Variants in GRM5 observed in about 807,000 individuals in gnomAD.
GRM5 encodes glutamate metabotropic receptor 5, also known as metabotropic glutamate receptor 5.
A neutral mutation model predicts 83.1 loss-of-function variants in GRM5; 19 were observed. The ratio of observed to expected loss-of-function variants is 0.23; its 90% CI spans 0.16 to 0.34. GRM5 has a LOEUF of 0.34. Ranked by LOEUF, GRM5 falls within the 10% of genes least tolerant of loss-of-function variation. The pLI is 1.00. For synonymous variants in GRM5, 675 were observed against 633.6 expected (o/e 1.07, Z -0.98); for missense variants, 1,160 against 1,588.3 (o/e 0.73, Z 4.58).
intron 8 of GRM5, among the ~76,000 whole-genome samples, chr11:88,545,571 G>C (rs1942370055): frequency 6.9e-6 from 1 of 145,840 alleles, no homozygotes; most frequent in South Asian, 2.1e-4. Flanking sequence ...TCTTCTCCTT[G>C]AGGTTGAATT....
At chr11:88,770,013 A>T (rs368745781) in intron 3 of GRM5, among the ~76,000 whole-genome samples, 2 of 152,192 alleles carry the variant, frequency 1.3e-5, no homozygotes, top group African/African-American at 4.8e-5. Flanking sequence ...AATCATGTTG[A>T]TAGTATACAC....
chr11:89,055,277 A>G (rs2070458149), intron 1 of GRM5, among the ~76,000 whole-genome samples: 1 of 152,308 alleles, frequency 6.6e-6, no homozygotes. Flanking sequence ...TCTGAGCCTC[A>G]TGCCTTTATT....
chr11:88,717,644 T>G (rs778360332), intron 3 of GRM5, among the ~76,000 whole-genome samples: 8 of 151,884 alleles, frequency 5.3e-5, no homozygotes, highest in Non-Finnish European at 7.4e-5. Flanking sequence ...GTTCTACAAC[T>G]ATGTAATTAT....
intron 3 of GRM5, among the ~76,000 whole-genome samples, chr11:88,710,446 G>A (rs986840678): frequency 6.6e-6 from 1 of 151,990 alleles, no homozygotes; most frequent in African/African-American, 2.4e-5. Flanking sequence ...AGCAGACCTG[G>A]GATTAAATCA....
At chr11:88,715,044 T>C (rs188018313) in intron 3 of GRM5, among the ~76,000 whole-genome samples, 2 of 152,126 alleles carry the variant, frequency 1.3e-5, no homozygotes, top group African/African-American at 4.8e-5. Context: ...TTAACATTTA[T>C]TGAACGACTG....
chr11:88,822,000 T>A (rs1943806608), intron 3 of GRM5, among the ~76,000 whole-genome samples: 1 of 149,556 alleles, frequency 6.7e-6, no homozygotes, highest in African/African-American at 2.6e-5. Context: ...GAAAATCATT[T>A]CAGTGGAAGT....
At chr11:88,797,755 G>GATT (rs1474217979) in intron 3 of GRM5, among the ~76,000 whole-genome samples, 7 of 151,266 alleles carry the variant, frequency 4.6e-5, no homozygotes, top group Admixed American at 4.6e-4. Flanking sequence ...ATGGGTTTTT[G>GATT]ATTATTTCTA....
intron 2 of GRM5, among the ~76,000 whole-genome samples, chr11:88,898,479 C>T (rs1945268267): frequency 6.6e-6 from 1 of 151,814 alleles, no homozygotes; most frequent in Non-Finnish European, 1.5e-5. Context: ...ATGAAAAATG[C>T]AAATAATACT....
intron 2 of GRM5, among the ~76,000 whole-genome samples, chr11:89,003,219 T>A (rs1940438171): frequency 6.6e-6 from 1 of 152,110 alleles, no homozygotes; most frequent in South Asian, 2.1e-4. Context: ...GGTCTCACTG[T>A]GGAGGAAAAT....
chr11:88,747,839 A>G (rs2135423697), intron 3 of GRM5, among the ~76,000 whole-genome samples: 1 of 152,308 alleles, frequency 6.6e-6, no homozygotes, highest in Middle Eastern at 3.4e-3. Flanking sequence ...ATTAAAATCA[A>G]TTATTCATTG....
At chr11:88,932,065 T>C (rs1463085264) in intron 2 of GRM5, among the ~76,000 whole-genome samples, 1 of 152,058 alleles carries the variant, frequency 6.6e-6, no homozygotes, top group Non-Finnish European at 1.5e-5. Context: ...TCAGCAAGGA[T>C]GTAGGGAAGG....
rs1415601741 is a variant in GRM5, at chr11:88,506,370, G to C, written c.*2222C>G. On this transcript the variant is annotated 3_prime_UTR_variant, in exon 10 of 10. Transcript: ENST00000305447. ...TTTATAAAACAAATTTTAAAATGTA[G>C]AGCATATCAAGAAAGGTTTTTAATA... The C allele has an allele frequency of 6.6e-6, 1 of 152,120 alleles. No individual in the cohort carries two copies. The highest frequency in any genetic ancestry group is 1.5e-5 in the Non-Finnish European group (1 of 68,012). 9.4% of individuals were successfully genotyped at this position (152,120 alleles called of 1,614,324 possible). A position where few individuals can be genotyped will look rare whatever the true frequency, so the allele number is the denominator to read the frequency against.
chr11:88,601,273 A>G (rs1425082528), intron 5 of GRM5, among the ~76,000 whole-genome samples: 2 of 152,170 alleles, frequency 1.3e-5, no homozygotes, highest in Admixed American at 6.5e-5. Flanking sequence ...ATCCGCATGC[A>G]CACAAAGTCG....
chr11:88,943,105 G>T lies in GRM5; in HGVS notation c.662-92950C>A, dbSNP rs1590984284. On this transcript the variant is annotated intron_variant, in intron 2 of 9. Transcript: ENST00000305447. ...CTGAGGCTTAGAGAGATTAACTGAT[G>T]AACTCTGCCTAACAGGGCTTCATAT... is the stretch of plus-strand genomic sequence containing the variant. 2.0e-5 allele frequency among the ~76,000 whole-genome samples: 3 copies of T among 152,166 alleles called. No homozygotes were observed. The East Asian group carries it at 5.8e-4, about 29-fold the overall frequency.
intron 8 of GRM5, among the ~76,000 whole-genome samples, chr11:88,552,093 T>G (rs1942523473): frequency 1.3e-5 from 2 of 151,340 alleles, no homozygotes; most frequent in South Asian, 4.2e-4. Flanking sequence ...GGCATGACCA[T>G]AGCTCACTGT....
intron 2 of GRM5, among the ~76,000 whole-genome samples, chr11:88,854,935 A>G (rs866148228): frequency 6.6e-5 from 10 of 151,988 alleles, no homozygotes; most frequent in Non-Finnish European, 1.3e-4. Flanking sequence ...TACAAATTCA[A>G]TATCATTAAC....
intron 3 of GRM5, among the ~76,000 whole-genome samples, chr11:88,836,537 T>C (rs1451342396): frequency 2.0e-5 from 3 of 152,186 alleles, no homozygotes; most frequent in African/African-American, 7.2e-5. Context: ...CGGTGGCTTA[T>C]GCCTGTAATC....
intron 8 of GRM5, among the ~76,000 whole-genome samples, chr11:88,549,795 T>A (rs1942464076): frequency 6.6e-6 from 1 of 152,116 alleles, no homozygotes; most frequent in Non-Finnish European, 1.5e-5. Flanking sequence ...TAGATTTTTA[T>A]ATTCTAAGGC....
At chr11:89,064,931 AGAGAGAGAGG>A (rs1254393215) in intron 1 of GRM5, among the ~76,000 whole-genome samples, 2,629 of 63,166 alleles carry the variant, frequency 0.042, 79 homozygotes, top group African/African-American at 0.09. Flanking sequence ...AGAGAGAGAG[AGAGAGAGAGG>A]GAGAGAGAGA....
Sources: allele counts gnomAD v4.1 joint callset (sites outside exome capture counted in the v4.1 genomes callset), GRCh38; gene constraint gnomAD v4.1.1; transcripts MANE v1.5; gene names NCBI Gene and HGNC (gene_info 2026-07-23, HGNC 2026-07-21).